Variants in FSTL5 observed in about 807,000 individuals in gnomAD.
FSTL5 encodes the protein follistatin-related protein 5.
In FSTL5, 62 loss-of-function variants were observed where a neutral mutation model predicts 89.1. The ratio of observed to expected loss-of-function variants is 0.70; its 90% CI spans 0.57 to 0.86. The LOEUF (loss-of-function observed/expected upper bound fraction) is 0.86, where lower values mean the gene tolerates loss of function less well. Ranked by LOEUF, FSTL5 falls within the 40% of genes least tolerant of loss-of-function variation. The probability of loss-of-function intolerance (pLI) is 0.00; values close to 1 mark genes in which losing one functional copy is unlikely to be tolerated. For missense variants in FSTL5, 1,057 were observed against 1,001.6 expected, an observed-to-expected ratio of 1.06 and a Z score of -0.75; for synonymous variants, 383 against 346.2, an observed-to-expected ratio of 1.11 and a Z score of -1.18.
chr4:162,146,752 TTC>T lies in FSTL5; in HGVS notation c.-17+16861_-17+16862del, dbSNP rs373161292. 2.4e-3 allele frequency among the ~76,000 whole-genome samples: 278 copies of T among 117,748 alleles called. 1 individual carries two copies. The highest frequency in any genetic ancestry group is 6.4e-3 in the African/African-American group (230 of 36,030). The allele number at this position is 117,748 out of a possible 152,430, so 77.2% of individuals were successfully genotyped here. On this transcript the variant is annotated intron_variant, in intron 1 of 15. Coordinates refer to ENST00000306100, the MANE Select transcript of FSTL5 (RefSeq NM_020116.5). ...CTTCCCTCCTTTCTTTCTTTCTCCT[TTC>T]TCTCTCTCTCTCTCTCTCTTTCTTT...
chr4:161,557,281 A>G lies in FSTL5; in HGVS notation c.1016-14588T>C, dbSNP rs544932329. Among the ~76,000 whole-genome samples the G allele has an allele frequency of 1.3e-3, 191 of 150,740 alleles. 1 individual carries two copies. Among genetic ancestry groups the G allele is most frequent in the African/African-American group, 4.4e-3 (182 of 41,428 alleles). On this transcript the variant is annotated intron_variant, in intron 8 of 15. Transcript: ENST00000306100. ...CTAAACAAAGATAAAATATTTCTGC[A>G]CCTTTACACAATTTATGTAATTTTT...
intron 6 of FSTL5, among the ~76,000 whole-genome samples, chr4:161,748,606 GTTTTTTTTTTT>G (rs5863480): frequency 2.9e-5 from 3 of 103,544 alleles, no homozygotes; most frequent in Non-Finnish European, 6.1e-5. Context: ...GGGGAAGCAC[GTTTTTTTTTTT>G]TTTTTTTTTT....
intron 6 of FSTL5, among the ~76,000 whole-genome samples, chr4:161,734,112 G>A (rs765058307): frequency 6.6e-5 from 10 of 152,048 alleles, no homozygotes; most frequent in Non-Finnish European, 7.4e-5. Flanking sequence ...AGTAAATAAC[G>A]CTAATACAAA....
At chr4:161,712,475 T>C (rs1275361039) in intron 6 of FSTL5, among the ~76,000 whole-genome samples, 1 of 152,144 alleles carries the variant, frequency 6.6e-6, no homozygotes, top group East Asian at 1.9e-4. Context: ...AGGAAGGTCT[T>C]ATCTACAGAA....
chr4:162,144,172 A>G (rs1460632489), intron 1 of FSTL5, among the ~76,000 whole-genome samples: 2 of 152,198 alleles, frequency 1.3e-5, no homozygotes, highest in Admixed American at 6.5e-5. Context: ...TGCGGGAGAT[A>G]AACAAAACAT....
At chr4:161,815,131 G>A (rs1730283946) in intron 4 of FSTL5, among the ~76,000 whole-genome samples, 1 of 151,770 alleles carries the variant, frequency 6.6e-6, no homozygotes, top group African/African-American at 2.4e-5. Context: ...TAAAATTCAA[G>A]GTTAACAAGT....
At chr4:162,152,292 C>T (rs1733255012) in intron 1 of FSTL5, among the ~76,000 whole-genome samples, 2 of 152,118 alleles carry the variant, frequency 1.3e-5, no homozygotes, top group Admixed American at 6.6e-5. Flanking sequence ...GATTTTTACT[C>T]CAATTAATTA....
At chr4:161,689,453 T>C (rs915606391) in intron 6 of FSTL5, among the ~76,000 whole-genome samples, 1 of 152,118 alleles carries the variant, frequency 6.6e-6, no homozygotes, top group African/African-American at 2.4e-5. Flanking sequence ...ATAAAAATCT[T>C]ATTTAAATTA....
chr4:161,536,376 G>A (rs1050080385), intron 10 of FSTL5, among the ~76,000 whole-genome samples: 13 of 152,082 alleles, frequency 8.5e-5, no homozygotes, highest in African/African-American at 2.4e-5. Context: ...CAATCCTTAA[G>A]ATGGGGGTTA....
chr4:162,009,921 C>G (rs535250973), intron 3 of FSTL5, among the ~76,000 whole-genome samples: 1 of 150,834 alleles, frequency 6.6e-6, no homozygotes, highest in African/African-American at 2.4e-5. Flanking sequence ...TTGTGACATG[C>G]AATTTGAACT....
At chr4:161,630,768 C>T (rs1040077798) in intron 7 of FSTL5, among the ~76,000 whole-genome samples, 3 of 152,186 alleles carry the variant, frequency 2.0e-5, no homozygotes, top group African/African-American at 7.2e-5. Context: ...CAAAATTATT[C>T]TATTTCTACC....
At chr4:161,761,355 C>T (rs1198611101) in intron 5 of FSTL5, among the ~76,000 whole-genome samples, 2 of 152,144 alleles carry the variant, frequency 1.3e-5, no homozygotes, top group African/African-American at 4.8e-5. Flanking sequence ...TGACTTTTGA[C>T]TTTTCCTGGG....
At chr4:161,596,910 T>A (rs1734032737) in intron 7 of FSTL5, among the ~76,000 whole-genome samples, 1 of 152,030 alleles carries the variant, frequency 6.6e-6, no homozygotes, top group African/African-American at 2.4e-5. Flanking sequence ...GTTTGAGTCC[T>A]TTGTAGATTC....
intron 1 of FSTL5, among the ~76,000 whole-genome samples, chr4:162,122,066 G>C (rs1731887700): frequency 1.3e-5 from 2 of 151,986 alleles, no homozygotes; most frequent in African/African-American, 2.4e-5. Context: ...GTCAGTAGTA[G>C]GCTATTAATA....
At chr4:162,104,328 A>G (rs547435516) in intron 2 of FSTL5, among the ~76,000 whole-genome samples, 3 of 152,256 alleles carry the variant, frequency 2.0e-5, no homozygotes, top group Admixed American at 1.3e-4. Context: ...ACATGGCCCA[A>G]TACTCCATTC....
chr4:161,386,310 A>C lies in FSTL5; in HGVS notation c.1981T>G (p.Tyr661Asp), dbSNP rs1730638743. 1 of 1,613,842 alleles carries C rather than the reference A, an allele frequency of 6.2e-7. No homozygotes were observed. Among genetic ancestry groups the C allele is most frequent in the Admixed American group, 1.7e-5 (1 of 59,966 alleles). The change falls in exon 16 of 16, where the codon TAC (tyrosine) becomes GAC (aspartate). Residue 661 changes from tyrosine (Y) to aspartate (D), a missense_variant. Tyr to Asp is a radical substitution (Grantham distance 160). Coordinates refer to ENST00000306100, the MANE Select transcript of FSTL5 (RefSeq NM_020116.5). ...SLAYTHLGGY[Y>D]FIGCKPDSTG... ...CTGTCAGGTTTGCAGCCAATGAAGTAGTAGCCTCCCAAGTGTGTATATGCC... is the reference window on the plus strand; with the variant it reads ...CTGTCAGGTTTGCAGCCAATGAAGTCGTAGCCTCCCAAGTGTGTATATGCC...
In FSTL5 at chr4:161,386,120, CTGATGGTAATG is replaced by C; in HGVS notation, c.2160_2170del (p.Tyr720Ter). The C allele has an allele frequency of 1.2e-6, 2 of 1,614,004 alleles. No homozygotes were observed. The highest frequency in any genetic ancestry group is 1.7e-6 in the Non-Finnish European group (2 of 1,179,964). On this transcript the variant is annotated stop_gained and frameshift_variant, in exon 16 of 16. Coordinates refer to ENST00000306100, the MANE Select transcript of FSTL5 (RefSeq NM_020116.5). LOFTEE classifies it high-confidence loss of function. Reference sequence around the variant, plus strand: ...ATCAAAAGCCTCCTGTATTTCTCCTCTGATGGTAATGTACTGAACCCTTACAAGACCTTTCA... The same window carrying C: ...ATCAAAAGCCTCCTGTATTTCTCCTCTACTGAACCCTTACAAGACCTTTCA...
chr4:161,446,596 T>G (rs1182628174), intron 15 of FSTL5, among the ~76,000 whole-genome samples: 1 of 152,050 alleles, frequency 6.6e-6, no homozygotes, highest in Non-Finnish European at 1.5e-5. Flanking sequence ...CAATGTACAT[T>G]ATCTTTTTCT....
At chr4:162,095,405 G>A (rs1730711373) in intron 2 of FSTL5, among the ~76,000 whole-genome samples, 1 of 152,066 alleles carries the variant, frequency 6.6e-6, no homozygotes, top group Non-Finnish European at 1.5e-5. Flanking sequence ...TTCCACAGAA[G>A]CATAATATGC....
Sources: gnomAD v4.1 joint callset for allele counts (sites outside exome capture counted in the v4.1 genomes callset) on GRCh38, gnomAD v4.1.1 for gene constraint, MANE v1.5 for transcripts, NCBI Gene and HGNC (gene_info 2026-07-23, HGNC 2026-07-21) for gene names.